MDM4: variants seen among roughly 807,000 people sequenced by gnomAD.
MDM4 encodes MDM4 regulator of p53.
MDM4 carries 2 observed loss-of-function variants against 60.2 expected under a neutral mutation model. The observed-to-expected ratio is 0.03, with a 90% CI of 0.01 to 0.10. The LOEUF is 0.10. MDM4 is among the 10% of genes least tolerant of loss of function. MDM4 has a pLI of 1.00. For missense variants in MDM4, 447 were observed against 577.5 expected, an observed-to-expected ratio of 0.77 and a Z score of 2.32; for synonymous variants, 202 against 198.1, an observed-to-expected ratio of 1.02 and a Z score of -0.17.
chr1:204,538,344 C>A, intron 7 of MDM4, 36 bp downstream of exon 7: 2 of 1,055,556 alleles, frequency 1.9e-6, no homozygotes, highest in South Asian at 2.6e-5. Context: ...GACTTTTGTT[C>A]TCTTCCTCTT....
rs1483085246 is a variant in MDM4 at position 204,550,199 on chromosome 1, T to G, written c.*517T>G. On this transcript the variant is annotated 3_prime_UTR_variant, in exon 11 of 11. Transcript: ENST00000367182. The stretch of plus-strand genomic sequence containing the variant: ...AGGTGTGGGGCGACAGGGTCTGTCT[T>G]GTTCTGTCTCCCAGGCTGAAGTGCA... 1 of 233,428 alleles carries G rather than the reference T, an allele frequency of 4.3e-6. No individual in the cohort carries two copies. The highest frequency in any genetic ancestry group is 5.6e-5 in the Admixed American group (1 of 17,878). The allele number at this position is 233,428 out of a possible 1,614,324, so 14.5% of individuals were successfully genotyped here.
intron 1 of MDM4, among the ~76,000 whole-genome samples, chr1:204,520,862 CA>C (rs1659503778): frequency 6.6e-6 from 1 of 152,006 alleles, no homozygotes; most frequent in Non-Finnish European, 1.5e-5. Context: ...GGTGACAGAA[CA>C]ATACCCTGTC....
chr1:204,525,224 G>A (rs1159918970), intron 1 of MDM4: 1 of 443,150 alleles, frequency 2.3e-6, no homozygotes, highest in African/African-American at 2.1e-5. Flanking sequence ...ATCAGTTGGA[G>A]GTTGGAGCGT....
rs1245730375 is a variant in MDM4, at chr1:204,557,078, G to A, written c.*7396G>A. The A allele has an allele frequency of 2.5e-5, 5 of 198,768 alleles. No individual in the cohort carries two copies. Among genetic ancestry groups the A allele is most frequent in the Admixed American group, 6.0e-5 (1 of 16,546 alleles). 12.3% of individuals were successfully genotyped at this position (198,768 alleles called of 1,614,324 possible). A position where few individuals can be genotyped will look rare whatever the true frequency, so the allele number is the denominator to read the frequency against. On this transcript the variant is annotated 3_prime_UTR_variant, in exon 11 of 11. Transcript: ENST00000367182. ...ATCATTTGTTGTAGGGATTAAATCC[G>A]GGAGAGCAATTCTGAAGCCTATAAA...
At chr1:204,544,433 G>A (rs1382441774) in intron 8 of MDM4, 102 bp from the exon 9 acceptor site, 7 of 1,112,114 alleles carry the variant, frequency 6.3e-6, no homozygotes, top group Admixed American at 2.4e-5. Context: ...GTTCTTTGGC[G>A]ATGTAGTGTG....
At position 204,544,569 on chromosome 1, in the gene MDM4, A is replaced by C. The variant is rs376089705; in HGVS notation, c.707A>C (p.Asp236Ala). 7.4e-6 allele frequency: 12 copies of C among 1,613,274 alleles called. No individual in the cohort carries two copies. The highest frequency in any genetic ancestry group is 1.0e-5 in the Non-Finnish European group (12 of 1,179,552). The part of the protein sequence containing the change: ...VGTAIVSDTT[D>A]DLWFLNESVS... Reference sequence around the variant, plus strand: ...ACTGCCATTGTTTCAGATACTACAGATGACTTGTGGTTTTTGAATGAGTCA... The same window carrying C: ...ACTGCCATTGTTTCAGATACTACAGCTGACTTGTGGTTTTTGAATGAGTCA... The change falls in exon 9 of 11, where the codon GAT becomes GCT. Residue 236 changes from aspartate (D) to alanine (A), a missense_variant. By Grantham distance (126) the Asp-to-Ala change is moderately radical (BLOSUM62 -2). This residue lies in a region of MDM4 where 184 missense variants were observed against 179.3 expected (regional missense o/e 1.03). Coordinates refer to ENST00000367182, the MANE Select transcript of MDM4 (RefSeq NM_002393.5).
intron 1 of MDM4, among the ~76,000 whole-genome samples, chr1:204,522,490 C>G (rs1232939558): frequency 6.6e-6 from 1 of 151,986 alleles, no homozygotes; most frequent in Non-Finnish European, 1.5e-5. Context: ...CTCCGCTTCC[C>G]AAGTTCAGGC....
intron 7 of MDM4, 61 bp from the exon 8 acceptor site, chr1:204,542,723 A>T (rs1662237106): frequency 7.9e-7 from 1 of 1,259,982 alleles, no homozygotes; most frequent in African/African-American, 1.5e-5. Flanking sequence ...AGTATTCTAA[A>T]GATAGTCTTA....
At chr1:204,540,381 G>A (rs1661934611) in intron 7 of MDM4, among the ~76,000 whole-genome samples, 1 of 152,076 alleles carries the variant, frequency 6.6e-6, no homozygotes, top group South Asian at 2.1e-4. Flanking sequence ...TTTTGCCCTT[G>A]GATGGTAGTC....
intron 5 of MDM4, chr1:204,532,814 C>CCCACA: frequency 6.2e-7 from 1 of 1,611,458 alleles, no homozygotes. Flanking sequence ...CTAGAGTTGG[C>CCCACA]AGATTGTATC....
chr1:204,519,311 G>T (rs1659315099), intron 1 of MDM4, among the ~76,000 whole-genome samples: 1 of 152,090 alleles, frequency 6.6e-6, no homozygotes, highest in African/African-American at 2.4e-5. Context: ...AGACCAGCCT[G>T]ACCAACAAAA....
intron 7 of MDM4, among the ~76,000 whole-genome samples, chr1:204,540,840 C>T (rs1026519113): frequency 6.6e-6 from 1 of 152,164 alleles, no homozygotes; most frequent in Non-Finnish European, 1.5e-5. Context: ...TGTGTAAAAT[C>T]ATAAATTCCC....
rs76886997 is a variant in MDM4 at position 204,549,946 on chromosome 1, A to C, written c.*264A>C. 6.0e-6 allele frequency: 2 copies of C among 332,774 alleles called. No homozygotes were observed. The highest frequency in any genetic ancestry group is 4.2e-5 in the African/African-American group (2 of 47,472). 20.6% of individuals were successfully genotyped at this position (332,774 alleles called of 1,614,324 possible). On this transcript the variant is annotated 3_prime_UTR_variant, in exon 11 of 11. Transcript: ENST00000367182. ...CAAAAGAAAAACTCTTGAAAACAAG[A>C]GATTTCTTCCATGCACATTTACAAT...
At chr1:204,549,069 A>G in intron 10 of MDM4, 44 bp from the exon 11 acceptor site, 1 of 1,193,064 alleles carries the variant, frequency 8.4e-7, no homozygotes. Flanking sequence ...TCTCAGCATC[A>G]TATTAACCCC....
chr1:204,542,675 C>T (rs1662232572), intron 7 of MDM4, 109 bp from the exon 8 acceptor site: 2 of 790,910 alleles, frequency 2.5e-6, no homozygotes, highest in East Asian at 2.9e-5. Context: ...TTTCTTAGAA[C>T]AGGAATTTCT....
chr1:204,529,968 C>T (rs1660699408), intron 3 of MDM4, among the ~76,000 whole-genome samples: 1 of 152,122 alleles, frequency 6.6e-6, no homozygotes, highest in Non-Finnish European at 1.5e-5. Context: ...CCTCCGCTTC[C>T]CAGGTTCAAG....
intron 4 of MDM4, 140 bp from the exon 5 acceptor site, chr1:204,532,050 GA>G (rs1462298417): frequency 1.8e-6 from 1 of 546,634 alleles, no homozygotes; most frequent in Non-Finnish European, 3.2e-6. Flanking sequence ...ACTGTTCTGG[GA>G]AAAAGATTCT....
At chr1:204,524,000 A>G (rs1659853340) in intron 1 of MDM4, among the ~76,000 whole-genome samples, 2 of 152,114 alleles carry the variant, frequency 1.3e-5, no homozygotes, top group Non-Finnish European at 2.9e-5. Flanking sequence ...GGCGGGAAGA[A>G]CAGTTACAGA....
At position 204,531,399 on chromosome 1, in the gene MDM4, C is replaced by A. The variant is rs75641696; in HGVS notation, c.287+582C>A. ...TGGTAAGAATCACAGTAGGGCTAAC[C>A]TGACCTGTTACTTTTCTCCAGCTGC... On this transcript the variant is annotated intron_variant, in intron 4 of 10. Coordinates refer to ENST00000367182, the MANE Select transcript of MDM4 (RefSeq NM_002393.5). Among the ~76,000 whole-genome samples, 12 of 152,264 alleles carry A rather than the reference C, an allele frequency of 7.9e-5. No homozygotes were observed. In the East Asian group the frequency reaches 2.3e-3, roughly 29 times the overall value.
Sources: allele counts gnomAD v4.1 joint callset (sites outside exome capture counted in the v4.1 genomes callset), GRCh38; gene constraint gnomAD v4.1.1; regional missense constraint gnomAD v4.1.1; transcripts MANE v1.5; gene names NCBI Gene and HGNC (gene_info 2026-07-23, HGNC 2026-07-21).